The following ADGRB3 variants were observed in gnomAD, a reference collection of about 807,000 sequenced individuals.
ADGRB3 encodes the protein brain-specific angiogenesis inhibitor 3.
ADGRB3 carries 37 observed loss-of-function variants against 193.4 expected under a neutral mutation model. The observed-to-expected ratio is 0.19, with a 90% CI of 0.15 to 0.25. The LOEUF (loss-of-function observed/expected upper bound fraction) is 0.25. Among genes scored for constraint, ADGRB3 ranks in the 10% least tolerant of loss-of-function variants. ADGRB3 has a pLI of 1.00. For synonymous variants in ADGRB3, 690 were observed against 644.2 expected, an observed-to-expected ratio of 1.07 and a Z score of -1.08; for missense variants, 1,637 against 1,852.9, an observed-to-expected ratio of 0.88 and a Z score of 2.14.
At chr6:68,733,846 G>C (rs12192235) in intron 3 of ADGRB3, among the ~76,000 whole-genome samples, 5 of 151,160 alleles carry the variant, frequency 3.3e-5, no homozygotes, top group African/African-American at 1.2e-4. Context: ...GAATGTACAT[G>C]ACAAGAATGT....
chr6:68,800,052 G>T (rs2127370431), intron 3 of ADGRB3, among the ~76,000 whole-genome samples: 1 of 152,240 alleles, frequency 6.6e-6, no homozygotes, highest in African/African-American at 2.4e-5. Flanking sequence ...AGAACCATGT[G>T]TAGTAGGTAA....
chr6:69,134,704 T>A (rs1170181088), intron 17 of ADGRB3, among the ~76,000 whole-genome samples: 1 of 151,872 alleles, frequency 6.6e-6, no homozygotes, highest in Non-Finnish European at 1.5e-5. Flanking sequence ...AACCCTCAAT[T>A]AGAGAACCTT....
At chr6:68,762,917 T>C (rs1389705838) in intron 3 of ADGRB3, among the ~76,000 whole-genome samples, 2 of 152,202 alleles carry the variant, frequency 1.3e-5, no homozygotes, top group East Asian at 3.8e-4. Flanking sequence ...TTTAAAGATT[T>C]AAAGTAATTT....
At chr6:69,332,799 A>T in intron 23 of ADGRB3, 124 bp from the exon 24 acceptor site, 1 of 1,445,216 alleles carries the variant, frequency 6.9e-7, no homozygotes, top group Non-Finnish European at 9.1e-7. Flanking sequence ...AATGTTTGAG[A>T]GTGCTTCATA....
chr6:68,861,340 G>A (rs971841235), intron 3 of ADGRB3, among the ~76,000 whole-genome samples: 1 of 152,132 alleles, frequency 6.6e-6, no homozygotes, highest in Admixed American at 6.5e-5. Flanking sequence ...TTGGGAGGCC[G>A]AGGCAGGCAG....
chr6:68,749,118 TG>T (rs1766142170), intron 3 of ADGRB3, among the ~76,000 whole-genome samples: 1 of 152,068 alleles, frequency 6.6e-6, no homozygotes, highest in Non-Finnish European at 1.5e-5. Context: ...TGGTCTATGA[TG>T]GGAGGGGCTG....
chr6:68,821,066 C>A (rs948264516), intron 3 of ADGRB3, among the ~76,000 whole-genome samples: 1 of 151,862 alleles, frequency 6.6e-6, no homozygotes, highest in Non-Finnish European at 1.5e-5. Context: ...AAATTTTGTA[C>A]CTTAATAAAA....
At chr6:69,056,951 T>C (rs1298442874) in intron 15 of ADGRB3, among the ~76,000 whole-genome samples, 2 of 152,166 alleles carry the variant, frequency 1.3e-5, no homozygotes, top group Non-Finnish European at 2.9e-5. Flanking sequence ...TATATTTTTT[T>C]CCATTTCTGC....
At chr6:68,883,652 G>T (rs757198847) in intron 3 of ADGRB3, among the ~76,000 whole-genome samples, 19 of 151,894 alleles carry the variant, frequency 1.3e-4, no homozygotes, top group Non-Finnish European at 2.2e-4. Flanking sequence ...AACACTCACC[G>T]CAAAGGTCTG....
intron 3 of ADGRB3, among the ~76,000 whole-genome samples, chr6:68,797,623 A>G (rs1316377544): frequency 6.6e-6 from 1 of 152,156 alleles, no homozygotes; most frequent in East Asian, 1.9e-4. Flanking sequence ...CTCCTATTTA[A>G]GGAGCTAAAT....
chr6:68,728,274 C>T (rs1765708823), intron 3 of ADGRB3, among the ~76,000 whole-genome samples: 1 of 150,782 alleles, frequency 6.6e-6, no homozygotes, highest in South Asian at 2.1e-4. Flanking sequence ...GCTATACTTT[C>T]CAGTAACATG....
chr6:69,040,005 G>T (rs1424722545), intron 13 of ADGRB3, among the ~76,000 whole-genome samples: 1 of 152,130 alleles, frequency 6.6e-6, no homozygotes, highest in Non-Finnish European at 1.5e-5. Flanking sequence ...CTCCCAAAGT[G>T]CTGGGATTAC....
intron 29 of ADGRB3, among the ~76,000 whole-genome samples, chr6:69,371,750 C>A (rs1769712245): frequency 6.6e-6 from 1 of 152,018 alleles, no homozygotes; most frequent in Admixed American, 6.6e-5. Flanking sequence ...GGTGGAGCCA[C>A]AGAGAAACAC....
chr6:69,145,212 T>C (rs1774452498), intron 17 of ADGRB3, among the ~76,000 whole-genome samples: 1 of 151,626 alleles, frequency 6.6e-6, no homozygotes, highest in Admixed American at 6.6e-5. Flanking sequence ...CAGCAAGGAG[T>C]GTGTGAGCAA....
intron 3 of ADGRB3, among the ~76,000 whole-genome samples, chr6:68,913,166 C>T (rs541774968): frequency 6.6e-6 from 1 of 152,262 alleles, no homozygotes; most frequent in African/African-American, 2.4e-5. Context: ...CTTAAATGTC[C>T]CTGTCTGACA....
chr6:69,143,433 A>G (rs149301362), intron 17 of ADGRB3, among the ~76,000 whole-genome samples: 4 of 152,216 alleles, frequency 2.6e-5, no homozygotes, highest in African/African-American at 9.6e-5. Flanking sequence ...GTTCTTGTAG[A>G]GTATTACTCA....
intron 24 of ADGRB3, among the ~76,000 whole-genome samples, chr6:69,333,828 G>T (rs1313849194): frequency 6.6e-6 from 1 of 151,082 alleles, no homozygotes; most frequent in Non-Finnish European, 1.5e-5. Context: ...TACTCGGGAG[G>T]CTGAGGCAGG....
intron 3 of ADGRB3, among the ~76,000 whole-genome samples, chr6:68,677,521 CTT>C (rs1002070733): frequency 1.7e-4 from 21 of 120,306 alleles, no homozygotes; most frequent in African/African-American, 3.7e-4. Flanking sequence ...TTCTTTTTTT[CTT>C]TTTTTTTTTT....
chr6:68,833,271 A>G (rs1325183494), intron 3 of ADGRB3, among the ~76,000 whole-genome samples: 5 of 151,982 alleles, frequency 3.3e-5, no homozygotes, highest in African/African-American at 1.2e-4. Flanking sequence ...TAGAACAAGC[A>G]TTTTTTATTA....
Sources: gnomAD v4.1 joint callset for allele counts (sites outside exome capture counted in the v4.1 genomes callset) on GRCh38, gnomAD v4.1.1 for gene constraint, MANE v1.5 for transcripts, NCBI Gene and HGNC (gene_info 2026-07-23, HGNC 2026-07-21) for gene names.